The following ZSWIM6 variants were observed in gnomAD, a reference collection of about 807,000 sequenced individuals.
ZSWIM6 encodes the protein zinc finger SWIM domain-containing protein 6.
In ZSWIM6, 9 loss-of-function variants were observed where a neutral mutation model predicts 113.2. The observed-to-expected ratio is 0.08, with a 90% CI of 0.05 to 0.14. The LOEUF (loss-of-function observed/expected upper bound fraction) is 0.14, where lower values mean the gene tolerates loss of function less well. ZSWIM6 is among the 10% of genes least tolerant of loss of function. The pLI is 1.00. For synonymous variants in ZSWIM6, 611 were observed against 606.5 expected, an observed-to-expected ratio of 1.01 and a Z score of -0.11; for missense variants, 1,162 against 1,552.2, an observed-to-expected ratio of 0.75 and a Z score of 4.22.
intron 1 of ZSWIM6, among the ~76,000 whole-genome samples, chr5:61,343,282 A>G (rs1561199414): frequency 6.6e-6 from 1 of 152,294 alleles, no homozygotes; most frequent in East Asian, 1.9e-4. Flanking sequence ...CATTGAGTGA[A>G]TTAATGTGCT....
intron 2 of ZSWIM6, among the ~76,000 whole-genome samples, chr5:61,487,049 T>C (rs1007552555): frequency 6.6e-6 from 1 of 152,012 alleles, no homozygotes; most frequent in Admixed American, 6.6e-5. Flanking sequence ...AGTATTTTTA[T>C]AGTTACAGGT....
intron 2 of ZSWIM6, among the ~76,000 whole-genome samples, chr5:61,485,448 A>C (rs1293595549): frequency 6.6e-6 from 1 of 152,038 alleles, no homozygotes; most frequent in Non-Finnish European, 1.5e-5. Flanking sequence ...TGTCAAATTC[A>C]CCATATCTAA....
intron 9 of ZSWIM6, 129 bp from the exon 10 acceptor site, chr5:61,535,355 T>A: frequency 1.7e-6 from 2 of 1,149,156 alleles, no homozygotes; most frequent in Non-Finnish European, 2.4e-6. Flanking sequence ...TATATTCCTT[T>A]CTATATCATT....
At chr5:61,341,678 GTATATATGAA>G (rs1240385869) in intron 1 of ZSWIM6, among the ~76,000 whole-genome samples, 1 of 152,084 alleles carries the variant, frequency 6.6e-6, no homozygotes, top group Non-Finnish European at 1.5e-5. Context: ...TCAACTTAGT[GTATATATGAA>G]AACTTCTCCA....
intron 4 of ZSWIM6, among the ~76,000 whole-genome samples, chr5:61,503,524 G>T (rs1184119660): frequency 6.6e-6 from 1 of 152,178 alleles, no homozygotes; most frequent in East Asian, 1.9e-4. Context: ...GTCTTCCTTT[G>T]TGTATGATCA....
At chr5:61,480,733 C>T (rs1357851022) in intron 2 of ZSWIM6, among the ~76,000 whole-genome samples, 1 of 152,174 alleles carries the variant, frequency 6.6e-6, no homozygotes, top group Admixed American at 6.5e-5. Context: ...TCTCTCCTCT[C>T]TGCTGTAAAG....
chr5:61,430,567 G>T (rs1369495386), intron 1 of ZSWIM6, among the ~76,000 whole-genome samples: 1 of 152,080 alleles, frequency 6.6e-6, no homozygotes, highest in Non-Finnish European at 1.5e-5. Flanking sequence ...TGTATACGCA[G>T]ATTTTTTTTT....
intron 2 of ZSWIM6, among the ~76,000 whole-genome samples, chr5:61,475,002 A>C (rs962704153): frequency 6.6e-6 from 1 of 151,896 alleles, no homozygotes; most frequent in African/African-American, 2.4e-5. Flanking sequence ...TCAGCCCTCC[A>C]AAAGCACATG....
chr5:61,504,774 T>C (rs1233526810), intron 4 of ZSWIM6, among the ~76,000 whole-genome samples: 3 of 152,148 alleles, frequency 2.0e-5, no homozygotes, highest in Non-Finnish European at 4.4e-5. Flanking sequence ...TATCAGTGGC[T>C]CAGGGAAGCA....
At chr5:61,486,879 G>A (rs1366925241) in intron 2 of ZSWIM6, among the ~76,000 whole-genome samples, 5 of 151,948 alleles carry the variant, frequency 3.3e-5, no homozygotes, top group Non-Finnish European at 7.4e-5. Context: ...CTTCCATTCT[G>A]CAGGTTGTCT....
At chr5:61,516,519 C>A (rs1434172316) in intron 4 of ZSWIM6, among the ~76,000 whole-genome samples, 2 of 142,272 alleles carry the variant, frequency 1.4e-5, no homozygotes, top group Non-Finnish European at 3.1e-5. Context: ...TTTAACATGG[C>A]AAATATATAT....
chr5:61,409,643 A>T (rs967778712), intron 1 of ZSWIM6, among the ~76,000 whole-genome samples: 1 of 152,192 alleles, frequency 6.6e-6, no homozygotes, highest in Non-Finnish European at 1.5e-5. Flanking sequence ...TTGACTATTT[A>T]TTAATTAGAT....
chr5:61,473,554 TGAA>T (rs1362519903), intron 2 of ZSWIM6, among the ~76,000 whole-genome samples: 59 of 152,212 alleles, frequency 3.9e-4, no homozygotes, highest in Non-Finnish European at 5.9e-4. Context: ...TTTTATACAT[TGAA>T]CATGTTTTCT....
intron 2 of ZSWIM6, among the ~76,000 whole-genome samples, chr5:61,477,597 G>A (rs1031596643): frequency 6.6e-6 from 1 of 152,168 alleles, no homozygotes; most frequent in Non-Finnish European, 1.5e-5. Context: ...TTCCATTTAA[G>A]TCTGCCTGTC....
intron 1 of ZSWIM6, among the ~76,000 whole-genome samples, chr5:61,358,866 A>G (rs921433200): frequency 1.3e-5 from 2 of 152,132 alleles, no homozygotes; most frequent in Admixed American, 6.5e-5. Flanking sequence ...GCACTGGGGT[A>G]GGAGGTGATT....
intron 1 of ZSWIM6, among the ~76,000 whole-genome samples, chr5:61,424,061 C>T (rs774215473): frequency 1.3e-5 from 2 of 152,186 alleles, no homozygotes; most frequent in African/African-American, 2.4e-5. Context: ...CTCTGAGTTG[C>T]TATCTCAAAA....
intron 1 of ZSWIM6, among the ~76,000 whole-genome samples, chr5:61,348,564 G>C (rs1230944117): frequency 3.9e-5 from 6 of 152,136 alleles, no homozygotes; most frequent in Admixed American, 2.6e-4. Context: ...GGTCGTTTCA[G>C]GGATTTATTG....
chr5:61,334,522 G>A, intron 1 of ZSWIM6, among the ~76,000 whole-genome samples: 1 of 152,158 alleles, frequency 6.6e-6, no homozygotes, highest in East Asian at 1.9e-4. Flanking sequence ...GAAGTGGGGT[G>A]GGGGTCTGGA....
intron 1 of ZSWIM6, among the ~76,000 whole-genome samples, chr5:61,464,158 A>ATCTTTTTTTT (rs1747376159): frequency 2.3e-5 from 1 of 43,514 alleles, no homozygotes; most frequent in African/African-American, 9.2e-5. Context: ...CACCCGGCTA[A>ATCTTTTTTTT]TTTTTTTTTT....
Sources: gnomAD v4.1 joint callset for allele counts (sites outside exome capture counted in the v4.1 genomes callset) on GRCh38, gnomAD v4.1.1 for gene constraint, MANE v1.5 for transcripts, NCBI Gene and HGNC (gene_info 2026-07-23, HGNC 2026-07-21) for gene names.